Variants in EEPD1 observed in about 807,000 individuals in gnomAD.
The protein encoded by EEPD1 is endonuclease/exonuclease/phosphatase family domain-containing protein 1.
EEPD1 carries 17 observed loss-of-function variants against 46.3 expected under a neutral mutation model. The ratio of observed to expected loss-of-function variants is 0.37; its 90% CI spans 0.25 to 0.55. The LOEUF (loss-of-function observed/expected upper bound fraction) is 0.55. EEPD1 is among the 20% of genes least tolerant of loss of function. The pLI is 0.83. For synonymous variants in EEPD1, 313 were observed against 315.6 expected, an observed-to-expected ratio of 0.99 and a Z score of 0.09; for missense variants, 673 against 745.6, an observed-to-expected ratio of 0.90 and a Z score of 1.13.
At chr7:36,160,002 G>C (rs896968456) in intron 2 of EEPD1, among the ~76,000 whole-genome samples, 4 of 152,196 alleles carry the variant, frequency 2.6e-5, no homozygotes, top group African/African-American at 9.6e-5. Flanking sequence ...CAGAACTTAG[G>C]GTTTATCTCA....
chr7:36,188,837 G>A (rs1785411484), intron 2 of EEPD1, among the ~76,000 whole-genome samples: 1 of 152,144 alleles, frequency 6.6e-6, no homozygotes, highest in Non-Finnish European at 1.5e-5. Context: ...ATGAGTAAAT[G>A]AATGCTTATG....
chr7:36,223,397 T>C (rs1362432821), intron 2 of EEPD1, among the ~76,000 whole-genome samples: 1 of 151,868 alleles, frequency 6.6e-6, no homozygotes, highest in African/African-American at 2.4e-5. Flanking sequence ...CCACAGAAAT[T>C]GGCAAATGAG....
At chr7:36,200,288 G>T (rs1237857294) in intron 2 of EEPD1, among the ~76,000 whole-genome samples, 1 of 152,162 alleles carries the variant, frequency 6.6e-6, no homozygotes, top group South Asian at 2.1e-4. Context: ...AGTTCCGTCT[G>T]TGTTTCTGCC....
intron 2 of EEPD1, among the ~76,000 whole-genome samples, chr7:36,195,552 T>C (rs1024058199): frequency 1.3e-5 from 2 of 152,138 alleles, no homozygotes; most frequent in Admixed American, 6.5e-5. Context: ...ATTAAACTTA[T>C]AGAAGCAGAG....
intron 3 of EEPD1, among the ~76,000 whole-genome samples, chr7:36,247,886 T>G (rs1214578453): frequency 2.6e-5 from 4 of 152,182 alleles, no homozygotes; most frequent in African/African-American, 9.7e-5. Flanking sequence ...CTTCTCATAG[T>G]GTGACTTGTA....
intron 6 of EEPD1, among the ~76,000 whole-genome samples, chr7:36,295,202 A>G (rs1282659427): frequency 6.6e-6 from 1 of 151,836 alleles, no homozygotes; most frequent in African/African-American, 2.4e-5. Context: ...AAAAATATGT[A>G]TATACAGCAT....
chr7:36,279,517 C>T (rs142395545), intron 3 of EEPD1, among the ~76,000 whole-genome samples: 1 of 152,224 alleles, frequency 6.6e-6, no homozygotes, highest in Non-Finnish European at 1.5e-5. Flanking sequence ...AAAGACCAGA[C>T]CTTTAGACCC....
intron 2 of EEPD1, chr7:36,230,933 T>C (rs1266003577): frequency 6.6e-6 from 1 of 152,218 alleles, no homozygotes; most frequent in Admixed American, 6.5e-5. Flanking sequence ...TGTCATTTAA[T>C]AAACGCAGTG....
chr7:36,283,145 G>A (rs530320327), intron 4 of EEPD1, among the ~76,000 whole-genome samples: 2 of 152,302 alleles, frequency 1.3e-5, no homozygotes, highest in East Asian at 1.9e-4. Context: ...CTTTTGCAAT[G>A]TGAGGTGCTC....
intron 7 of EEPD1, among the ~76,000 whole-genome samples, chr7:36,298,424 C>T (rs141541109): frequency 6.6e-6 from 1 of 152,188 alleles, no homozygotes; most frequent in East Asian, 1.9e-4. Flanking sequence ...CACTAAGGAC[C>T]ACACAGTGCT....
intron 3 of EEPD1, among the ~76,000 whole-genome samples, chr7:36,259,765 C>G (rs998461631): frequency 7.2e-5 from 11 of 152,144 alleles, no homozygotes; most frequent in South Asian, 6.2e-4. Context: ...ATCCTCCTGC[C>G]TTAGCCTCCA....
intron 2 of EEPD1, among the ~76,000 whole-genome samples, chr7:36,198,427 A>G (rs1785653336): frequency 6.6e-6 from 1 of 150,702 alleles, no homozygotes; most frequent in African/African-American, 2.4e-5. Flanking sequence ...AAAAAAAAAA[A>G]AAAAAAAGAA....
At chr7:36,296,178 T>C (rs867326307) in intron 6 of EEPD1, among the ~76,000 whole-genome samples, 1 of 152,146 alleles carries the variant, frequency 6.6e-6, no homozygotes, top group Non-Finnish European at 1.5e-5. Context: ...TACTGTGGGC[T>C]GCCCATTGAA....
Position 36,186,609 on chromosome 7 carries a change from A to G in EEPD1, c.878+31407A>G, listed in dbSNP as rs542029086. On this transcript the variant is annotated intron_variant, in intron 2 of 7. Transcript: ENST00000242108. ...CCAATAGTTGTTTATTTTTTCCTTC[A>G]TGACTAAATCAAAAGTTTCTACACT... Among the ~76,000 whole-genome samples, 6 of 152,342 alleles carry G rather than the reference A, an allele frequency of 3.9e-5. No individual in the cohort carries two copies. In the East Asian group the frequency reaches 1.2e-3, roughly 29 times the overall value.
At chr7:36,251,895 T>TA (rs1786744830) in intron 3 of EEPD1, among the ~76,000 whole-genome samples, 2 of 152,230 alleles carry the variant, frequency 1.3e-5, no homozygotes, top group African/African-American at 4.8e-5. Flanking sequence ...ATTTTTATAA[T>TA]GAAAACATTG....
chr7:36,262,743 C>T (rs1435076378), intron 3 of EEPD1, among the ~76,000 whole-genome samples: 1 of 152,196 alleles, frequency 6.6e-6, no homozygotes, highest in Non-Finnish European at 1.5e-5. Context: ...CAGTTAAACT[C>T]TGCCATTGTG....
At chr7:36,182,976 A>G (rs1785300957) in intron 2 of EEPD1, among the ~76,000 whole-genome samples, 1 of 152,284 alleles carries the variant, frequency 6.6e-6, no homozygotes, top group Admixed American at 6.5e-5. Context: ...AGCAGTAGCC[A>G]TGCACACCCT....
At chr7:36,220,686 T>G (rs1165082350) in intron 2 of EEPD1, among the ~76,000 whole-genome samples, 1 of 152,206 alleles carries the variant, frequency 6.6e-6, no homozygotes, top group Non-Finnish European at 1.5e-5. Flanking sequence ...TGAAAATGTC[T>G]CTGATGTCTG....
intron 6 of EEPD1, among the ~76,000 whole-genome samples, chr7:36,288,403 A>G (rs749322804): frequency 6.6e-6 from 1 of 152,170 alleles, no homozygotes; most frequent in Non-Finnish European, 1.5e-5. Flanking sequence ...CCAAGCACAT[A>G]GTAGGGACTT....
Sources: gnomAD v4.1 joint callset for allele counts (sites outside exome capture counted in the v4.1 genomes callset) on GRCh38, gnomAD v4.1.1 for gene constraint, MANE v1.5 for transcripts, NCBI Gene and HGNC (gene_info 2026-07-23, HGNC 2026-07-21) for gene names.